The following PTPRS variants were observed in gnomAD, a reference collection of about 807,000 sequenced individuals.
PTPRS encodes receptor-type tyrosine-protein phosphatase S.
In PTPRS, 63 loss-of-function variants were observed where a neutral mutation model predicts 215.3. That is an observed-to-expected ratio of 0.29 (90% CI 0.24 to 0.36). The LOEUF is 0.36. Ranked by LOEUF, PTPRS falls within the 10% of genes least tolerant of loss-of-function variation. The pLI is 1.00. For missense variants in PTPRS, 2,258 were observed against 2,825.8 expected (o/e 0.80, Z 4.56); for synonymous variants, 1,404 against 1,191.4 (o/e 1.18, Z -3.68).
intron 1 of PTPRS, among the ~76,000 whole-genome samples, chr19:5,335,155 C>A (rs2050453527): frequency 6.6e-6 from 1 of 152,200 alleles, no homozygotes; most frequent in Admixed American, 6.5e-5. Flanking sequence ...ATCCGAGGGT[C>A]CCAGGCTTCC....
In PTPRS at chr19:5,210,718, C is replaced by A; in HGVS notation, c.5322G>T (p.Thr1774=). The change falls in exon 34 of 38, where the codon ACG becomes ACT. Residue 1774 remains threonine (T), a synonymous_variant. Transcript: ENST00000262963. The surrounding 1 kb of genome is among the most constrained non-coding windows in gnomAD (Gnocchi z 4.5). The stretch of plus-strand genomic sequence containing the variant: ...GCAGCTTGGTCAGCATCACCACGAT[C>A]GTCGAATTGTTCTCCCACAGCATGC... ...FWRMLWENNS[T]IVVMLTKLRE... 1 of 1,614,212 alleles carries A rather than the reference C, an allele frequency of 6.2e-7. No individual in the cohort carries two copies. Among genetic ancestry groups the A allele is most frequent in the South Asian group, 1.1e-5 (1 of 91,088 alleles).
intron 1 of PTPRS, among the ~76,000 whole-genome samples, chr19:5,332,364 G>A (rs2050354839): frequency 6.6e-6 from 1 of 152,178 alleles, no homozygotes; most frequent in East Asian, 1.9e-4. Context: ...CTGACCTTAG[G>A]TGATCTGCCT....
Position 5,279,127 on chromosome 19 carries a change from A to G in PTPRS, c.92-4783T>C, listed in dbSNP as rs533092878. Among the ~76,000 whole-genome samples, 58 of 151,858 alleles carry G rather than the reference A, an allele frequency of 3.8e-4. No individual in the cohort carries two copies. The South Asian group carries it at 9.6e-3, about 25-fold the overall frequency. ...CTTGAACCCGGGAGGTGGAGGCTGCAGTGAGCTCAGACCGCACCACTGCAC... is the reference window on the plus strand; with the variant it reads ...CTTGAACCCGGGAGGTGGAGGCTGCGGTGAGCTCAGACCGCACCACTGCAC... On this transcript the variant is annotated intron_variant, in intron 2 of 37. Transcript: ENST00000262963.
chr19:5,221,136 C>A lies in PTPRS; in HGVS notation c.3319G>T (p.Gly1107Cys). The change falls in exon 20 of 38, where the codon GGC becomes TGC. Residue 1107 changes from glycine (G) to cysteine (C), a missense_variant. Coordinates refer to ENST00000262963, the MANE Select transcript of PTPRS (RefSeq NM_002850.4). ...FVLTNRGSSL[G>C]GLQQTVTAWT... ...GCGGTGACCGTCTGCTGGAGGCCGC[C>A]CAGGCTGCTGCCGCGATTGGTCAGC... 1 of 1,613,962 alleles carries A rather than the reference C, an allele frequency of 6.2e-7. No homozygotes were observed. Among genetic ancestry groups the A allele is most frequent in the Non-Finnish European group, 8.5e-7 (1 of 1,180,004 alleles).
chr19:5,303,355 C>T (rs1429977328), intron 1 of PTPRS, among the ~76,000 whole-genome samples: 2 of 152,228 alleles, frequency 1.3e-5, no homozygotes, highest in East Asian at 1.9e-4. Flanking sequence ...TCCTGGTCCC[C>T]GTGCACAAGG....
At chr19:5,302,911 A>T (rs1256805745) in intron 1 of PTPRS, among the ~76,000 whole-genome samples, 4 of 151,098 alleles carry the variant, frequency 2.6e-5, no homozygotes, top group East Asian at 3.9e-4. Flanking sequence ...CAAAAAAAAA[A>T]AAAAAAAAAT....
intron 3 of PTPRS, among the ~76,000 whole-genome samples, chr19:5,273,966 C>T (rs1396321232): frequency 6.6e-6 from 1 of 152,212 alleles, no homozygotes; most frequent in Non-Finnish European, 1.5e-5. Flanking sequence ...GTACACTGCA[C>T]TGTGAAGAAG....
chr19:5,239,133 A>G, intron 12 of PTPRS, 70 bp from the exon 13 acceptor site: 1 of 1,160,340 alleles, frequency 8.6e-7, no homozygotes, highest in South Asian at 1.3e-5. Context: ...CAAAGGGGAG[A>G]GAGAGAGAGA....
At chr19:5,281,752 TGGAA>T (rs938932407) in intron 2 of PTPRS, among the ~76,000 whole-genome samples, 3 of 152,152 alleles carry the variant, frequency 2.0e-5, no homozygotes, top group African/African-American at 4.8e-5. Flanking sequence ...CTGGAGCTGC[TGGAA>T]GGAAGGGCAG....
intron 20 of PTPRS, 42 bp from the exon 21 acceptor site, chr19:5,220,395 G>C (rs757339962): frequency 8.5e-6 from 13 of 1,524,316 alleles, no homozygotes; most frequent in Non-Finnish European, 1.1e-5. Context: ...TGTCGATAGG[G>C]ATGACCAAGG....
In PTPRS at chr19:5,215,594, G is replaced by A. The variant is rs1429286950; in HGVS notation, c.4098C>T (p.Ser1366=). ...PLREPGFHFE[S]MLSHPPIPIA... is the part of the protein sequence containing the mutation. The stretch of plus-strand genomic sequence containing the variant: ...TGGGAATTGGCGGGTGGCTAAGCAT[G>A]CCTACAGGGTGGAGCAGACCCCGCC... The change falls in exon 27 of 38, where the codon AGC becomes AGT. Residue 1366 remains serine, a splice_region_variant and synonymous_variant. Coordinates refer to ENST00000262963, the MANE Select transcript of PTPRS (RefSeq NM_002850.4). 3 of 1,603,296 alleles carry A rather than the reference G, an allele frequency of 1.9e-6. No individual in the cohort carries two copies. The highest frequency in any genetic ancestry group is 1.1e-5 in the South Asian group (1 of 89,642).
intron 17 of PTPRS, among the ~76,000 whole-genome samples, chr19:5,224,287 G>T (rs1354556805): frequency 1.3e-5 from 2 of 152,200 alleles, no homozygotes; most frequent in East Asian, 3.9e-4. Flanking sequence ...CAGGAAGAGG[G>T]AACGGCCCAT....
In PTPRS at chr19:5,318,618, T is replaced by G. The variant is rs554961097; in HGVS notation, c.-95+22046A>C. ...TTCACACCACCTGAGAAGCAGCTGA[T>G]AGACTGCAGATATTATCTTGGTGGT... On this transcript the variant is annotated intron_variant, in intron 1 of 37. Coordinates refer to ENST00000262963, the MANE Select transcript of PTPRS (RefSeq NM_002850.4). 6.6e-5 allele frequency among the ~76,000 whole-genome samples: 10 copies of G among 152,330 alleles called. No homozygotes were observed. In the South Asian group the frequency reaches 2.1e-3, roughly 32 times the overall value.
intron 13 of PTPRS, 92 bp downstream of exon 13, chr19:5,238,827 G>A (rs2043716589): frequency 6.9e-7 from 1 of 1,438,946 alleles, no homozygotes; most frequent in Non-Finnish European, 9.1e-7. Context: ...ACCCACTGCA[G>A]CAGGCCCCGC....
chr19:5,217,317 G>A (rs2145218238), intron 25 of PTPRS, among the ~76,000 whole-genome samples: 1 of 152,318 alleles, frequency 6.6e-6, no homozygotes, highest in Middle Eastern at 3.4e-3. Context: ...GATCCCTTCA[G>A]GAGACTGCAG....
intron 11 of PTPRS, 107 bp downstream of exon 11, chr19:5,243,794 T>G (rs1225103978): frequency 9.7e-7 from 1 of 1,025,936 alleles, no homozygotes; most frequent in Non-Finnish European, 1.3e-6. Context: ...TGAAAATATC[T>G]TAAAGCACCG....
Position 5,222,103 on chromosome 19 carries a change from T to C in PTPRS, c.3201+20A>G. The C allele has an allele frequency of 6.3e-7, 1 of 1,595,782 alleles. No homozygotes were observed. The highest frequency in any genetic ancestry group is 1.1e-5 in the South Asian group (1 of 90,770). ...CCCTGACCCTGCCTGCCTGCCTGCCTGCTGGCTGGGCAGTCGCACCTTGTA... is the reference window on the plus strand; with the variant it reads ...CCCTGACCCTGCCTGCCTGCCTGCCCGCTGGCTGGGCAGTCGCACCTTGTA... On this transcript the variant is annotated intron_variant, in intron 19 of 37. Coordinates refer to ENST00000262963, the MANE Select transcript of PTPRS (RefSeq NM_002850.4).
At chr19:5,246,171 G>C (rs1208886536) in intron 9 of PTPRS, 126 bp from the exon 10 acceptor site, 18 of 485,930 alleles carry the variant, frequency 3.7e-5, no homozygotes, top group South Asian at 9.3e-5. Flanking sequence ...AAGAAGGAAA[G>C]AAAGAAAAAA....
intron 1 of PTPRS, among the ~76,000 whole-genome samples, chr19:5,307,500 T>G (rs1163719658): frequency 6.6e-6 from 1 of 152,098 alleles, no homozygotes; most frequent in Non-Finnish European, 1.5e-5. Context: ...ACTTTTAAGA[T>G]ACTATATTTT....
Sources: allele counts gnomAD v4.1 joint callset (sites outside exome capture counted in the v4.1 genomes callset), GRCh38; gene constraint gnomAD v4.1.1; non-coding constraint Gnocchi (gnomAD v3.1); transcripts MANE v1.5; gene names NCBI Gene and HGNC (gene_info 2026-07-23, HGNC 2026-07-21).